ASAP1: variants seen among roughly 807,000 people sequenced by gnomAD.
ASAP1 encodes the protein arf-GAP with SH3 domain, ANK repeat and PH domain-containing protein 1.
In ASAP1, 43 loss-of-function variants were observed where a neutral mutation model predicts 145.2. That is an observed-to-expected ratio of 0.30 (90% CI 0.23 to 0.38). The LOEUF is 0.38. Ranked by LOEUF, ASAP1 falls within the 10% of genes least tolerant of loss-of-function variation. The pLI is 1.00. For missense variants in ASAP1, 1,018 were observed against 1,355.3 expected (o/e 0.75, Z 3.91); for synonymous variants, 546 against 515.5 (o/e 1.06, Z -0.80).
chr8:130,237,434 T>A (rs575643334), intron 3 of ASAP1, among the ~76,000 whole-genome samples: 1 of 152,176 alleles, frequency 6.6e-6, no homozygotes, highest in African/African-American at 2.4e-5. Flanking sequence ...TCAAGGGGTA[T>A]AATGAGTAGG....
chr8:130,114,110 TA>T (rs1471471188), intron 23 of ASAP1, among the ~76,000 whole-genome samples: 1 of 152,210 alleles, frequency 6.6e-6, no homozygotes, highest in African/African-American at 2.4e-5. Context: ...TGATCTGAGA[TA>T]ACGTAAGTGC....
chr8:130,146,607 T>C (rs1449108578), intron 13 of ASAP1, among the ~76,000 whole-genome samples: 1 of 152,214 alleles, frequency 6.6e-6, no homozygotes, highest in Non-Finnish European at 1.5e-5. Flanking sequence ...GGTTACTGAA[T>C]ACATTAATAG....
intron 3 of ASAP1, among the ~76,000 whole-genome samples, chr8:130,350,574 T>C (rs1242120186): frequency 6.6e-6 from 1 of 152,220 alleles, no homozygotes; most frequent in Non-Finnish European, 1.5e-5. Context: ...CTGATGCATT[T>C]CAGCCAAAAT....
chr8:130,099,600 T>C (rs1051802633), intron 24 of ASAP1, among the ~76,000 whole-genome samples: 5 of 152,218 alleles, frequency 3.3e-5, no homozygotes, highest in Non-Finnish European at 7.4e-5. Context: ...GCAGTATTTA[T>C]CTTTCTGTGC....
chr8:130,128,690 A>G (rs2097578858), intron 15 of ASAP1, among the ~76,000 whole-genome samples: 1 of 152,232 alleles, frequency 6.6e-6, no homozygotes, highest in Admixed American at 6.5e-5. Context: ...TTACTTATAT[A>G]CAGTATGACT....
intron 12 of ASAP1, among the ~76,000 whole-genome samples, chr8:130,158,985 C>T (rs2097663592): frequency 6.6e-6 from 1 of 152,060 alleles, no homozygotes; most frequent in Admixed American, 6.6e-5. Flanking sequence ...CCCACCTCGG[C>T]CTCCCAAAGT....
At chr8:130,092,901 T>A (rs2097508490) in intron 24 of ASAP1, among the ~76,000 whole-genome samples, 1 of 149,990 alleles carries the variant, frequency 6.7e-6, no homozygotes. Flanking sequence ...TTTCTACAAC[T>A]TTTTCTTCTA....
At chr8:130,084,588 TACAGGAGTATTCTGGA>T (rs1736204524) in intron 25 of ASAP1, 1 of 152,188 alleles carries the variant, frequency 6.6e-6, no homozygotes, top group Non-Finnish European at 1.5e-5. Flanking sequence ...GCCAGGTTGC[TACAGGAGTATTCTGGA>T]ATAGTGAATT....
At chr8:130,186,423 T>C (rs1037432211) in intron 7 of ASAP1, among the ~76,000 whole-genome samples, 1 of 152,192 alleles carries the variant, frequency 6.6e-6, no homozygotes, top group Non-Finnish European at 1.5e-5. Context: ...CTTATGTTTA[T>C]AGTTGTCCAA....
At chr8:130,328,249 G>T (rs1041956840) in intron 3 of ASAP1, among the ~76,000 whole-genome samples, 4 of 152,184 alleles carry the variant, frequency 2.6e-5, no homozygotes, top group Non-Finnish European at 5.9e-5. Flanking sequence ...TAATTAGTAT[G>T]TAGTGCCACA....
intron 3 of ASAP1, among the ~76,000 whole-genome samples, chr8:130,275,630 TA>T (rs796616004): frequency 3.3e-4 from 49 of 146,552 alleles, no homozygotes; most frequent in Admixed American, 3.4e-4. Flanking sequence ...CAACTTCAGT[TA>T]AAAAAAAAAA....
chr8:130,362,797 G>C (rs1826778905), intron 2 of ASAP1, among the ~76,000 whole-genome samples: 1 of 152,168 alleles, frequency 6.6e-6, no homozygotes, highest in Non-Finnish European at 1.5e-5. Flanking sequence ...ATAGTATCTA[G>C]AGTCAAACTG....
rs924154221 is a variant in ASAP1, at chr8:130,115,632, T to C, written c.2168A>G (p.Asp723Gly). The change falls in exon 23 of 30, where the codon GAC becomes GGC. Residue 723 changes from aspartate to glycine, a missense_variant. Asp to Gly is a moderately conservative substitution (Grantham distance 94). Around this residue, in one of 9 missense-constraint regions of ASAP1, gnomAD observed 353 missense variants for 375.4 expected, o/e 0.94. Coordinates refer to ENST00000518721, the MANE Select transcript of ASAP1 (RefSeq NM_018482.4). ...EIDESDDDLD[D>G]KPSPIKKERS... is the part of the protein sequence containing the mutation. Reference sequence around the variant, plus strand: ...GAGGACATAATTTACACTCACTTTGTCATCCAGATCATCATCGCTCTCATC... The same window carrying C: ...GAGGACATAATTTACACTCACTTTGCCATCCAGATCATCATCGCTCTCATC... 4 of 1,611,774 alleles carry C rather than the reference T, an allele frequency of 2.5e-6. No homozygotes were observed. The African/African-American group carries it at 5.3e-5, about 22-fold the overall frequency.
chr8:130,333,279 G>A lies in ASAP1; in HGVS notation c.186+24738C>T, dbSNP rs529922065. Among the ~76,000 whole-genome samples, 70 of 152,308 alleles carry A rather than the reference G, an allele frequency of 4.6e-4. No individual in the cohort carries two copies. In the South Asian group the frequency reaches 6.6e-3, roughly 14 times the overall value. On this transcript the variant is annotated intron_variant, in intron 3 of 29. Coordinates refer to ENST00000518721, the MANE Select transcript of ASAP1 (RefSeq NM_018482.4). The stretch of plus-strand genomic sequence containing the variant: ...TCATCTTTAGTTGATGGGATTACTT[G>A]AGATTTTTCATCTTTATTTCTATAG...
At chr8:130,300,151 C>CAGAG (rs1234117059) in intron 3 of ASAP1, among the ~76,000 whole-genome samples, 1,675 of 84,658 alleles carry the variant, frequency 0.02, 11 homozygotes, top group Non-Finnish European at 0.031. Context: ...CACACACACA[C>CAGAG]ACAGAGAGAG....
At chr8:130,121,171 C>T (rs1000616261) in intron 18 of ASAP1, among the ~76,000 whole-genome samples, 1 of 152,138 alleles carries the variant, frequency 6.6e-6, no homozygotes, top group African/African-American at 2.4e-5. Flanking sequence ...TCCAGTTTAC[C>T]TTCAGCGCTC....
At chr8:130,380,638 G>A (rs978938940) in intron 2 of ASAP1, among the ~76,000 whole-genome samples, 6 of 152,184 alleles carry the variant, frequency 3.9e-5, no homozygotes, top group African/African-American at 1.2e-4. Context: ...GGCAGTGCTG[G>A]CCAACAGAAA....
rs546510515 is a variant in ASAP1 at position 130,413,113 on chromosome 8, T to C, written c.-27-11143A>G. Among the ~76,000 whole-genome samples the C allele has an allele frequency of 4.6e-5, 7 of 152,362 alleles. No individual in the cohort carries two copies. The South Asian group carries it at 1.5e-3, about 32-fold the overall frequency. The stretch of plus-strand genomic sequence containing the variant: ...TGAGGCAAATACAGGATGAGTATCT[T>C]GCCAGAGTTTTTACAGCTAATAAAT... On this transcript the variant is annotated intron_variant, in intron 1 of 29. Transcript: ENST00000518721.
intron 12 of ASAP1, among the ~76,000 whole-genome samples, chr8:130,158,243 G>A (rs2097661838): frequency 6.6e-6 from 1 of 151,888 alleles, no homozygotes; most frequent in African/African-American, 2.4e-5. Context: ...GGCACAGTGA[G>A]TCATGCCCGT....
Sources: gnomAD v4.1 joint callset for allele counts (sites outside exome capture counted in the v4.1 genomes callset) on GRCh38, gnomAD v4.1.1 for gene constraint, gnomAD v4.1.1 regional missense constraint, MANE v1.5 for transcripts, NCBI Gene and HGNC (gene_info 2026-07-23, HGNC 2026-07-21) for gene names.